The following B4GALT1 variants were observed in gnomAD, a reference collection of about 807,000 sequenced individuals.
B4GALT1 encodes N-acetyllactosamine synthase.
Under a neutral mutation model 34.9 loss-of-function variants are expected in B4GALT1, and 16 were observed. The observed-to-expected ratio is 0.46, with a 90% confidence interval of 0.31 to 0.70. The LOEUF (loss-of-function observed/expected upper bound fraction) is 0.70, where lower values mean the gene tolerates loss of function less well. B4GALT1 is among the 30% of genes least tolerant of loss of function. B4GALT1 has a pLI of 0.05. For missense variants in B4GALT1, 445 were observed against 530.5 expected, an observed-to-expected ratio of 0.84 and a Z score of 1.58; for synonymous variants, 221 against 218.1, an observed-to-expected ratio of 1.01 and a Z score of -0.12.
intron 1 of B4GALT1, among the ~76,000 whole-genome samples, chr9:33,141,131 T>A (rs983805629): frequency 6.6e-6 from 1 of 152,130 alleles, no homozygotes; most frequent in Admixed American, 6.5e-5. Flanking sequence ...ATGTACCCAG[T>A]TAGTATGTAT....
At chr9:33,145,801 C>T (rs935793320) in intron 1 of B4GALT1, among the ~76,000 whole-genome samples, 7 of 152,244 alleles carry the variant, frequency 4.6e-5, no homozygotes, top group South Asian at 2.1e-4. Context: ...GCTGTACCCA[C>T]GGGGATTCTG....
intron 3 of B4GALT1, among the ~76,000 whole-genome samples, chr9:33,116,430 G>A (rs1366303406): frequency 6.6e-6 from 1 of 151,222 alleles, no homozygotes; most frequent in Non-Finnish European, 1.5e-5. Flanking sequence ...CACCATGTTG[G>A]TCAGGATGGT....
chr9:33,179,815 T>G, the B4GALT1 span: 1 of 152,290 alleles, frequency 6.6e-6, no homozygotes, highest in Admixed American at 6.5e-5. Flanking sequence ...CTTAGATATG[T>G]TAAGTGCATT....
chr9:33,182,569 T>A, the B4GALT1 span, among the ~76,000 whole-genome samples: 3 of 152,184 alleles, frequency 2.0e-5, no homozygotes, highest in Non-Finnish European at 2.9e-5. Flanking sequence ...TCCTCCCTTT[T>A]TTCCCCCCAT....
At chr9:33,180,994 C>T in the B4GALT1 span, among the ~76,000 whole-genome samples, 24 of 152,210 alleles carry the variant, frequency 1.6e-4, no homozygotes, top group South Asian at 3.7e-3. Context: ...TGTTAAAGGC[C>T]GACCCAGTTT....
Position 33,120,446 on chromosome 9 carries a change from G to C in B4GALT1, c.809C>G (p.Ser270Cys). The C allele has an allele frequency of 6.2e-7, 1 of 1,613,576 alleles. No individual in the cohort carries two copies. Among genetic ancestry groups the C allele is most frequent in the Non-Finnish European group, 8.5e-7 (1 of 1,180,032 alleles). Residue 270 changes from serine to cysteine, a missense_variant, in exon 3 of 6, where the codon TCC becomes TGC. Ser to Cys is a moderately radical substitution (Grantham distance 112, BLOSUM62 -1). Coordinates refer to ENST00000379731, the MANE Select transcript of B4GALT1 (RefSeq NM_001497.4). ...YRCFSQPRHISVAMDKFGFSL... is the reference protein window; with the variant it reads ...YRCFSQPRHICVAMDKFGFSL... ...GAATCCAAACTTATCCATTGCAACG[G>C]AAATGTGCCGTGGCTGTGAAAAACA...
the B4GALT1 span, among the ~76,000 whole-genome samples, chr9:33,173,849 A>C: frequency 6.6e-6 from 1 of 152,216 alleles, no homozygotes; most frequent in African/African-American, 2.4e-5. Flanking sequence ...TATGTCAAAA[A>C]GACACAGAAA....
At chr9:33,119,974 A>G (rs1839996208) in intron 3 of B4GALT1, among the ~76,000 whole-genome samples, 2 of 152,178 alleles carry the variant, frequency 1.3e-5, no homozygotes, top group South Asian at 4.1e-4. Context: ...GCTTGAGCTC[A>G]GGAGTTCGAG....
chr9:33,129,767 G>A (rs1187549604), intron 2 of B4GALT1, among the ~76,000 whole-genome samples: 1 of 152,192 alleles, frequency 6.6e-6, no homozygotes, highest in Non-Finnish European at 1.5e-5. Flanking sequence ...GAACTAATGA[G>A]GTTGGGGAGG....
At chr9:33,178,032 C>G in the B4GALT1 span, among the ~76,000 whole-genome samples, 1 of 149,412 alleles carries the variant, frequency 6.7e-6, no homozygotes, top group Non-Finnish European at 1.5e-5. Flanking sequence ...CTCTGTTACC[C>G]AGGCTGGAGT....
In B4GALT1 at chr9:33,167,304, C is replaced by A; in HGVS notation, c.-135G>T. The A allele has an allele frequency of 8.5e-7, 1 of 1,174,922 alleles. No homozygotes were observed. Among genetic ancestry groups the A allele is most frequent in the Non-Finnish European group, 1.1e-6 (1 of 892,122 alleles). 72.8% of individuals were successfully genotyped at this position (1,174,922 alleles called of 1,614,324 possible). A position where few individuals can be genotyped will look rare whatever the true frequency, so the allele number is the denominator to read the frequency against. ...GCGGGGGCGGGCGAGCGGCTGAGAG[C>A]TGAGACTCCTCCAGCCAGCCAGACC... On this transcript the variant is annotated 5_prime_UTR_variant, in exon 1 of 6. Coordinates refer to ENST00000379731, the MANE Select transcript of B4GALT1 (RefSeq NM_001497.4).
chr9:33,133,259 T>C (rs1157946822), intron 2 of B4GALT1, among the ~76,000 whole-genome samples: 1 of 152,236 alleles, frequency 6.6e-6, no homozygotes, highest in Admixed American at 6.5e-5. Flanking sequence ...GTCTGTCTTC[T>C]ACTCAGGCAG....
chr9:33,115,733 C>G (rs1472262357), intron 4 of B4GALT1, among the ~76,000 whole-genome samples: 1 of 152,212 alleles, frequency 6.6e-6, no homozygotes, highest in Non-Finnish European at 1.5e-5. Context: ...CGGCATGCAG[C>G]AAGTCAAAGT....
chr9:33,184,381 T>C, the B4GALT1 span, among the ~76,000 whole-genome samples: 1 of 152,066 alleles, frequency 6.6e-6, no homozygotes. Context: ...AAGGGTGGAC[T>C]ACTGTAATTA....
intron 2 of B4GALT1, among the ~76,000 whole-genome samples, chr9:33,124,295 C>T (rs1334328630): frequency 1.3e-5 from 2 of 152,198 alleles, no homozygotes; most frequent in East Asian, 3.8e-4. Flanking sequence ...GGTACCTCTG[C>T]CCCTCCATTT....
chr9:33,158,141 C>T lies in B4GALT1; in HGVS notation c.412+8617G>A, dbSNP rs146321298. Among the ~76,000 whole-genome samples, 12 of 152,230 alleles carry T rather than the reference C, an allele frequency of 7.9e-5. No individual in the cohort carries two copies. The East Asian group carries it at 2.1e-3, about 27-fold the overall frequency. ...CAGGTTTTCCCCCCCACTCGCCAAA[C>T]TGGAATCTAGGAGGTAGAGAAAGAC... On this transcript the variant is annotated intron_variant, in intron 1 of 5. Transcript: ENST00000379731.
At chr9:33,157,717 T>TA (rs34243341) in intron 1 of B4GALT1, among the ~76,000 whole-genome samples, 1,467 of 145,726 alleles carry the variant, frequency 0.01, 22 homozygotes, top group African/African-American at 0.036. Flanking sequence ...TATTTTCAAC[T>TA]AAAAAAAAAA....
chr9:33,130,246 C>T (rs1230838857), intron 2 of B4GALT1, among the ~76,000 whole-genome samples: 4 of 152,192 alleles, frequency 2.6e-5, no homozygotes, highest in Admixed American at 6.5e-5. Flanking sequence ...AGGGCTAGTG[C>T]TACCAGGTGG....
chr9:33,167,183 CT>C lies in B4GALT1; in HGVS notation c.-15del, dbSNP rs748346492. ...CCGAAGCCTCATCTTCCCGCCGCCG[CT>C]TTAAGAAGGGTGTGGGCTACAGGAG... is the stretch of plus-strand genomic sequence containing the variant. On this transcript the variant is annotated 5_prime_UTR_variant, in exon 1 of 6. Coordinates refer to ENST00000379731, the MANE Select transcript of B4GALT1 (RefSeq NM_001497.4). 4.0e-5 allele frequency: 63 copies of C among 1,592,720 alleles called. No individual in the cohort carries two copies. Among genetic ancestry groups the C allele is most frequent in the Non-Finnish European group, 5.4e-5 (63 of 1,171,464 alleles).
Sources: allele counts gnomAD v4.1 joint callset (sites outside exome capture counted in the v4.1 genomes callset), GRCh38; gene constraint gnomAD v4.1.1; transcripts MANE v1.5; gene names NCBI Gene and HGNC (gene_info 2026-07-23, HGNC 2026-07-21).